Variants in NUDT7 observed in about 807,000 individuals in gnomAD.
NUDT7 encodes the protein peroxisomal coenzyme A diphosphatase NUDT7.
A neutral mutation model predicts 13.1 loss-of-function variants in NUDT7; 19 were observed. The ratio of observed to expected loss-of-function variants is 1.45; its 90% CI spans 1.01 to 2.13. The LOEUF is 2.13. NUDT7 is among the 30% of genes most tolerant of loss of function. NUDT7 has a pLI of 0.00. For missense variants in NUDT7, 360 were observed against 291.7 expected, an observed-to-expected ratio of 1.23 and a Z score of -1.71; for synonymous variants, 132 against 109.7, an observed-to-expected ratio of 1.20 and a Z score of -1.27.
rs1196988390 is a variant in NUDT7, at chr16:77,725,594, C to T, written c.189+10C>T. ...CGTCCGGTCAGAGAAGGTAGGTGGA[C>T]AAAAAATTTCCTGCCCTTAAACCTC... is the stretch of plus-strand genomic sequence containing the variant. On this transcript the variant is annotated intron_variant, in intron 2 of 3. Coordinates refer to ENST00000268533, the MANE Select transcript of NUDT7 (RefSeq NM_001105663.3). The T allele has an allele frequency of 6.2e-7, 1 of 1,611,302 alleles. No individual in the cohort carries two copies. Among genetic ancestry groups the T allele is most frequent in the Admixed American group, 1.7e-5 (1 of 59,490 alleles).
chr16:77,741,694 A>C lies in NUDT7; in HGVS notation c.461A>C (p.His154Pro). The C allele has an allele frequency of 6.2e-7, 1 of 1,614,182 alleles. No individual in the cohort carries two copies. The highest frequency in any genetic ancestry group is 8.5e-7 in the Non-Finnish European group (1 of 1,180,042). ...CTGGTGCCTCTGGCCTATTTCCTGC[A>C]TCCACAGGTCCATGACCAGCATTAC... ...VFLVPLAYFL[H>P]PQVHDQHYVT... Residue 154 changes from histidine (H) to proline (P), a missense_variant, in exon 4 of 4, where the codon CAT becomes CCT. By Grantham distance (77) the His-to-Pro change is moderately conservative. Coordinates refer to ENST00000268533, the MANE Select transcript of NUDT7 (RefSeq NM_001105663.3).
At chr16:77,727,951 A>G (rs2014191738) in intron 2 of NUDT7, among the ~76,000 whole-genome samples, 1 of 152,166 alleles carries the variant, frequency 6.6e-6, no homozygotes. Context: ...TACAAACTCA[A>G]CCAACGGGGT....
intron 1 of NUDT7, among the ~76,000 whole-genome samples, chr16:77,723,135 A>T (rs1410836209): frequency 7.0e-6 from 1 of 141,972 alleles, no homozygotes; most frequent in Non-Finnish European, 1.5e-5. Flanking sequence ...CTTGGTGATT[A>T]TTCCAGCGGC....
chr16:77,741,398 A>C, intron 3 of NUDT7, 184 bp from the exon 4 acceptor site: 1 of 568,220 alleles, frequency 1.8e-6, no homozygotes, highest in Non-Finnish European at 3.1e-6. Context: ...CATAGATGTC[A>C]CCTCAGGTAG....
At chr16:77,722,686 C>T (rs1234941332) in intron 1 of NUDT7, 69 bp downstream of exon 1, 2 of 1,466,626 alleles carry the variant, frequency 1.4e-6, no homozygotes, top group African/African-American at 1.4e-5. Flanking sequence ...CGGAGGCCAC[C>T]GGGGCCTTTT....
At chr16:77,731,728 C>T (rs1015192209) in intron 2 of NUDT7, among the ~76,000 whole-genome samples, 1 of 152,010 alleles carries the variant, frequency 6.6e-6, no homozygotes, top group Non-Finnish European at 1.5e-5. Context: ...GAGATGAGAG[C>T]TCCATGTATG....
At chr16:77,726,951 G>A (rs2014156795) in intron 2 of NUDT7, among the ~76,000 whole-genome samples, 1 of 152,056 alleles carries the variant, frequency 6.6e-6, no homozygotes, top group Non-Finnish European at 1.5e-5. Context: ...TACCATCATG[G>A]CAGAGGGGGA....
chr16:77,734,589 T>C (rs1331613881), intron 2 of NUDT7, among the ~76,000 whole-genome samples: 1 of 152,056 alleles, frequency 6.6e-6, no homozygotes, highest in Non-Finnish European at 1.5e-5. Flanking sequence ...CACACTGCAC[T>C]CCAGCGTGGG....
chr16:77,729,521 G>A (rs1415188349), intron 2 of NUDT7, among the ~76,000 whole-genome samples: 1 of 151,824 alleles, frequency 6.6e-6, no homozygotes, highest in East Asian at 1.9e-4. Flanking sequence ...CTTCAAAATA[G>A]CATATTTTCT....
intron 1 of NUDT7, among the ~76,000 whole-genome samples, chr16:77,725,156 G>T (rs1451210103): frequency 6.6e-6 from 1 of 152,148 alleles, no homozygotes; most frequent in Non-Finnish European, 1.5e-5. Context: ...AAATTCAACT[G>T]TTGCATTATT....
intron 1 of NUDT7, among the ~76,000 whole-genome samples, chr16:77,722,865 G>A (rs903115478): frequency 3.9e-5 from 6 of 152,136 alleles, no homozygotes; most frequent in Admixed American, 2.6e-4. Flanking sequence ...CTTCCCAGCC[G>A]GCTTGGCTGT....
In NUDT7 at chr16:77,735,427, G is replaced by A. The variant is rs146769761; in HGVS notation, c.190-401G>A. On this transcript the variant is annotated intron_variant, in intron 2 of 3. Coordinates refer to ENST00000268533, the MANE Select transcript of NUDT7 (RefSeq NM_001105663.3). ...AGTGCTTGCTCCTCCTTTACCTTCC[G>A]CCATGATTGTAAGTTTCCTGAGGTC... The A allele has an allele frequency of 2.8e-4, 177 of 637,960 alleles. 1 individual carries two copies. Among genetic ancestry groups the A allele is most frequent in the African/African-American group, 2.2e-3 (126 of 56,326 alleles). 39.5% of individuals were successfully genotyped at this position (637,960 alleles called of 1,614,324 possible). A position where few individuals can be genotyped will look rare whatever the true frequency, so the allele number is the denominator to read the frequency against.
At chr16:77,734,845 G>A (rs1343951496) in intron 2 of NUDT7, among the ~76,000 whole-genome samples, 1 of 151,876 alleles carries the variant, frequency 6.6e-6, no homozygotes, top group African/African-American at 2.4e-5. Context: ...CAGAGGGAGA[G>A]GGGAATGAGA....
At chr16:77,733,231 C>T (rs1355484740) in intron 2 of NUDT7, among the ~76,000 whole-genome samples, 1 of 152,176 alleles carries the variant, frequency 6.6e-6, no homozygotes, top group African/African-American at 2.4e-5. Context: ...ACACCTTAGA[C>T]TGGGTGGCTT....
At chr16:77,725,293 G>C (rs993774433) in intron 1 of NUDT7, 138 bp from the exon 2 acceptor site, 5 of 685,282 alleles carry the variant, frequency 7.3e-6, no homozygotes, top group Non-Finnish European at 1.2e-5. Context: ...CATTTCTGTC[G>C]TGTTATTGAA....
chr16:77,725,048 T>G (rs35373247), intron 1 of NUDT7, among the ~76,000 whole-genome samples: 16,521 of 152,252 alleles, frequency 0.11, 998 homozygotes, highest in South Asian at 0.15. Context: ...TTTGAGAACA[T>G]AAGGGCCAGC....
At chr16:77,734,425 C>T (rs1033551991) in intron 2 of NUDT7, among the ~76,000 whole-genome samples, 2 of 152,120 alleles carry the variant, frequency 1.3e-5, no homozygotes, top group African/African-American at 4.8e-5. Flanking sequence ...AGATCGAGAC[C>T]AGTCTGGCTA....
At chr16:77,728,509 T>C (rs2014213016) in intron 2 of NUDT7, among the ~76,000 whole-genome samples, 1 of 152,210 alleles carries the variant, frequency 6.6e-6, no homozygotes, top group South Asian at 2.1e-4. Context: ...AGTGCTGAGA[T>C]GACAAGCGTG....
chr16:77,726,010 T>C (rs908554450), intron 2 of NUDT7, among the ~76,000 whole-genome samples: 1 of 152,202 alleles, frequency 6.6e-6, no homozygotes, highest in Non-Finnish European at 1.5e-5. Context: ...ACCACAAATG[T>C]CTTCAGAATT....
Sources: gnomAD v4.1 joint callset for allele counts (sites outside exome capture counted in the v4.1 genomes callset) on GRCh38, gnomAD v4.1.1 for gene constraint, MANE v1.5 for transcripts, NCBI Gene and HGNC (gene_info 2026-07-23, HGNC 2026-07-21) for gene names.